The following HS6ST3 variants were observed in gnomAD, a reference collection of about 807,000 sequenced individuals.
HS6ST3 encodes the protein heparan sulfate 6-O-sulfotransferase 3.
In HS6ST3, 12 loss-of-function variants were observed where a neutral mutation model predicts 36.7. The observed-to-expected ratio is 0.33, with a 90% CI of 0.21 to 0.53. The LOEUF (loss-of-function observed/expected upper bound fraction) is 0.53. Among genes scored for constraint, HS6ST3 ranks in the 20% least tolerant of loss-of-function variants. HS6ST3 has a pLI of 0.95. For synonymous variants in HS6ST3, 240 were observed against 257.5 expected, an observed-to-expected ratio of 0.93 and a Z score of 0.65; for missense variants, 584 against 640.9, an observed-to-expected ratio of 0.91 and a Z score of 0.96.
At chr13:96,749,424 T>C (rs1328675646) in intron 1 of HS6ST3, among the ~76,000 whole-genome samples, 1 of 152,152 alleles carries the variant, frequency 6.6e-6, no homozygotes, top group Non-Finnish European at 1.5e-5. Flanking sequence ...TCAGTAAACA[T>C]GTAGATTAAT....
chr13:96,123,128 A>C lies in HS6ST3; in HGVS notation c.707+31559A>C, dbSNP rs576258160. Among the ~76,000 whole-genome samples the C allele has an allele frequency of 4.9e-4, 75 of 152,140 alleles. 1 individual carries two copies. The highest frequency in any genetic ancestry group is 4.6e-4 in the Non-Finnish European group (31 of 68,030). On this transcript the variant is annotated intron_variant, in intron 1 of 1. Transcript: ENST00000376705. ...ACATGCCTTATAAGTTGAACTTACT[A>C]TCCATATTTAACACATTGTGATGTC... is the stretch of plus-strand genomic sequence containing the variant.
intron 1 of HS6ST3, among the ~76,000 whole-genome samples, chr13:96,673,630 T>C (rs11840847): frequency 2.4e-3 from 368 of 152,278 alleles, no homozygotes; most frequent in African/African-American, 8.3e-3. Context: ...TTGTCGTTTT[T>C]CCTGGGTTCT....
chr13:96,587,095 C>T (rs1014173684), intron 1 of HS6ST3, among the ~76,000 whole-genome samples: 1 of 152,032 alleles, frequency 6.6e-6, no homozygotes, highest in Non-Finnish European at 1.5e-5. Flanking sequence ...GAAAGTCAGT[C>T]AACTGTAAAT....
At chr13:96,424,266 A>T (rs2055575681) in intron 1 of HS6ST3, among the ~76,000 whole-genome samples, 1 of 146,844 alleles carries the variant, frequency 6.8e-6, no homozygotes, top group African/African-American at 2.5e-5. Context: ...AGTCCAGCCA[A>T]TTCCTATTGA....
At chr13:96,226,482 T>C (rs1004371466) in intron 1 of HS6ST3, among the ~76,000 whole-genome samples, 3 of 152,134 alleles carry the variant, frequency 2.0e-5, no homozygotes, top group Admixed American at 1.3e-4. Flanking sequence ...ATCGTGCCAT[T>C]GCACTCCAGC....
intron 1 of HS6ST3, among the ~76,000 whole-genome samples, chr13:96,150,500 T>G (rs117227654): frequency 0.02 from 2,999 of 152,192 alleles, 87 homozygotes; most frequent in African/African-American, 0.066. Flanking sequence ...TCCTTTCATA[T>G]CAGTAGAATA....
intron 1 of HS6ST3, among the ~76,000 whole-genome samples, chr13:96,572,766 T>C (rs914064976): frequency 1.3e-5 from 2 of 152,302 alleles, no homozygotes; most frequent in South Asian, 4.1e-4. Flanking sequence ...CTGCCTGCAA[T>C]GAGCTATTGC....
intron 1 of HS6ST3, among the ~76,000 whole-genome samples, chr13:96,314,289 T>A (rs940699066): frequency 4.6e-5 from 7 of 152,148 alleles, no homozygotes; most frequent in Non-Finnish European, 8.8e-5. Context: ...CACCCAGATA[T>A]GAAATCCATT....
At chr13:96,686,265 G>C (rs184648854) in intron 1 of HS6ST3, among the ~76,000 whole-genome samples, 2 of 152,040 alleles carry the variant, frequency 1.3e-5, no homozygotes, top group African/African-American at 4.8e-5. Context: ...TATCACAAGT[G>C]AAAAGATATT....
intron 1 of HS6ST3, among the ~76,000 whole-genome samples, chr13:96,312,217 G>C (rs1385165772): frequency 6.6e-6 from 1 of 152,056 alleles, no homozygotes; most frequent in Non-Finnish European, 1.5e-5. Flanking sequence ...TCATTTCTAA[G>C]TAATGCTTTA....
chr13:96,760,161 T>C (rs1358184864), intron 1 of HS6ST3, among the ~76,000 whole-genome samples: 1 of 151,986 alleles, frequency 6.6e-6, no homozygotes, highest in African/African-American at 2.4e-5. Flanking sequence ...TTTAAACTCT[T>C]TAAATTTTTT....
intron 1 of HS6ST3, among the ~76,000 whole-genome samples, chr13:96,580,308 A>T (rs1014141393): frequency 6.6e-6 from 1 of 151,280 alleles, no homozygotes; most frequent in East Asian, 1.9e-4. Flanking sequence ...ATTTCTGTAT[A>T]ACATTATCAT....
At chr13:96,269,495 A>G (rs550359325) in intron 1 of HS6ST3, among the ~76,000 whole-genome samples, 24 of 151,914 alleles carry the variant, frequency 1.6e-4, no homozygotes, top group Non-Finnish European at 3.4e-4. Context: ...AGGTGGGGGG[A>G]AGTCATTCTG....
At chr13:96,434,987 T>A (rs930333961) in intron 1 of HS6ST3, among the ~76,000 whole-genome samples, 20 of 152,108 alleles carry the variant, frequency 1.3e-4, no homozygotes, top group Non-Finnish European at 1.8e-4. Flanking sequence ...TGCCTAACTT[T>A]AATTTTTTTT....
At chr13:96,802,366 C>CT (rs1229686994) in intron 1 of HS6ST3, among the ~76,000 whole-genome samples, 10 of 152,196 alleles carry the variant, frequency 6.6e-5, no homozygotes, top group Admixed American at 6.5e-4. Context: ...CAGAATATCT[C>CT]TGTCTGTACA....
chr13:96,750,254 C>T (rs375711342), intron 1 of HS6ST3, among the ~76,000 whole-genome samples: 12 of 152,354 alleles, frequency 7.9e-5, no homozygotes, highest in African/African-American at 2.9e-4. Context: ...GGAAAAACTA[C>T]TATCCTTTGG....
intron 1 of HS6ST3, among the ~76,000 whole-genome samples, chr13:96,485,955 C>T (rs975272500): frequency 1.3e-5 from 2 of 151,834 alleles, no homozygotes; most frequent in Admixed American, 1.3e-4. Flanking sequence ...TGTTGGTGTG[C>T]TGCACCCGTT....
At chr13:96,150,727 C>T (rs1439299288) in intron 1 of HS6ST3, among the ~76,000 whole-genome samples, 1 of 152,092 alleles carries the variant, frequency 6.6e-6, no homozygotes, top group East Asian at 1.9e-4. Context: ...CAGGATGCCC[C>T]AATTTTCTGG....
intron 1 of HS6ST3, among the ~76,000 whole-genome samples, chr13:96,747,653 T>C (rs1433521976): frequency 6.6e-6 from 1 of 152,092 alleles, no homozygotes; most frequent in African/African-American, 2.4e-5. Flanking sequence ...TTTCATAATC[T>C]AGCTACTAAT....
Sources: gnomAD v4.1 joint callset for allele counts (sites outside exome capture counted in the v4.1 genomes callset) on GRCh38, gnomAD v4.1.1 for gene constraint, MANE v1.5 for transcripts, NCBI Gene and HGNC (gene_info 2026-07-23, HGNC 2026-07-21) for gene names.